DCDC2C: variants seen among roughly 807,000 people sequenced by gnomAD.
DCDC2C encodes doublecortin domain containing 2C.
A neutral mutation model predicts 45.0 loss-of-function variants in DCDC2C; 44 were observed. The observed-to-expected ratio is 0.98, with a 90% CI of 0.77 to 1.26. The LOEUF is 1.26. DCDC2C is among the 50% of genes most tolerant of loss of function. The pLI is 0.00. For missense variants in DCDC2C, 447 were observed against 468.9 expected (o/e 0.95, Z 0.43); for synonymous variants, 187 against 178.8 (o/e 1.05, Z -0.37).
chr2:3,785,160 A>G (rs1670616563), intron 10 of DCDC2C, 60 bp downstream of exon 10: 29 of 1,188,600 alleles, frequency 2.4e-5, no homozygotes, highest in Non-Finnish European at 2.7e-5. Context: ...CAGACCTAAC[A>G]AGAGAATCCA....
intron 4 of DCDC2C, among the ~76,000 whole-genome samples, chr2:3,752,020 A>C (rs955786183): frequency 6.6e-6 from 1 of 152,062 alleles, no homozygotes; most frequent in African/African-American, 2.4e-5. Flanking sequence ...GCCTTTTTAC[A>C]GCACCGTACA....
In DCDC2C at chr2:3,812,472, T is replaced by C. The variant is rs546206654; in HGVS notation, c.1065+27372T>C. 2.6e-5 allele frequency among the ~76,000 whole-genome samples: 4 copies of C among 152,288 alleles called. No individual in the cohort carries two copies. The East Asian group carries it at 5.8e-4, about 22-fold the overall frequency. ...ATTGTGTCTATTTGATTCTCTTCTCTTGTCTTCTTTATTAGTGTAGATAAT... is the reference window on the plus strand; with the variant it reads ...ATTGTGTCTATTTGATTCTCTTCTCCTGTCTTCTTTATTAGTGTAGATAAT... On this transcript the variant is annotated intron_variant, in intron 10 of 10. Coordinates refer to ENST00000399143, the MANE Select transcript of DCDC2C (RefSeq NM_001287444.2).
chr2:3,725,462 C>G (rs1668623682), intron 2 of DCDC2C, among the ~76,000 whole-genome samples: 3 of 103,810 alleles, frequency 2.9e-5, no homozygotes, highest in African/African-American at 9.6e-5. Context: ...AGGGAGGAGG[C>G]TGCCCGGTGG....
intron 6 of DCDC2C, among the ~76,000 whole-genome samples, chr2:3,755,493 G>A (rs1032812674): frequency 2.7e-5 from 4 of 147,770 alleles, no homozygotes; most frequent in African/African-American, 9.7e-5. Flanking sequence ...GTGTACACAG[G>A]AGTACACGTG....
intron 10 of DCDC2C, among the ~76,000 whole-genome samples, chr2:3,837,890 A>AT (rs1672119930): frequency 6.6e-6 from 1 of 152,170 alleles, no homozygotes; most frequent in Non-Finnish European, 1.5e-5. Context: ...ATGCGGACAC[A>AT]TATCCCGGGA....
chr2:3,708,745 G>A (rs929258275), intron 2 of DCDC2C, 145 bp downstream of exon 2: 2 of 641,722 alleles, frequency 3.1e-6, no homozygotes, highest in African/African-American at 1.8e-5. Context: ...AACACACTGT[G>A]CAAGCTTGTC....
intron 10 of DCDC2C, among the ~76,000 whole-genome samples, chr2:3,802,295 G>A (rs890975047): frequency 6.6e-6 from 1 of 152,190 alleles, no homozygotes; most frequent in African/African-American, 2.4e-5. Context: ...TGAAAGTCAG[G>A]TACTGCAAAC....
chr2:3,835,661 A>C (rs535649376), intron 10 of DCDC2C, among the ~76,000 whole-genome samples: 1 of 152,350 alleles, frequency 6.6e-6, no homozygotes, highest in Non-Finnish European at 1.5e-5. Flanking sequence ...AGTCCCACTA[A>C]GATTAATACA....
chr2:3,722,248 A>G (rs192649437), intron 2 of DCDC2C, among the ~76,000 whole-genome samples: 10 of 152,382 alleles, frequency 6.6e-5, no homozygotes, highest in Admixed American at 6.5e-4. Context: ...CCTGAGTACT[A>G]AGCTACATGG....
intron 10 of DCDC2C, among the ~76,000 whole-genome samples, chr2:3,829,745 A>G (rs1671908875): frequency 1.3e-5 from 2 of 152,026 alleles, no homozygotes. Flanking sequence ...TTTCGTTAAG[A>G]CCACCCCAAG....
At chr2:3,827,964 C>T (rs1671866785) in intron 10 of DCDC2C, among the ~76,000 whole-genome samples, 1 of 152,046 alleles carries the variant, frequency 6.6e-6, no homozygotes. Context: ...ACAATTTGCC[C>T]CAGAAAAAAA....
At chr2:3,799,905 G>A (rs10175477) in intron 10 of DCDC2C, among the ~76,000 whole-genome samples, 32,707 of 152,248 alleles carry the variant, frequency 0.21, 3,689 homozygotes, top group South Asian at 0.36. Context: ...CCCAGTTCGA[G>A]CTTCCCAGAT....
At chr2:3,704,158 C>A in intron 1 of DCDC2C, 120 bp downstream of exon 1, 1 of 977,934 alleles carries the variant, frequency 1.0e-6, no homozygotes, top group Non-Finnish European at 1.3e-6. Context: ...CTCGGGCGCC[C>A]ATCTTTCGGC....
chr2:3,844,924 C>A (rs1672292492), intron 10 of DCDC2C, among the ~76,000 whole-genome samples: 1 of 149,448 alleles, frequency 6.7e-6, no homozygotes, highest in South Asian at 2.1e-4. Context: ...AACATGTTCT[C>A]CCTTTTTAAA....
chr2:3,748,674 G>A (rs1263691606), intron 4 of DCDC2C, among the ~76,000 whole-genome samples: 1 of 152,198 alleles, frequency 6.6e-6, no homozygotes, highest in African/African-American at 2.4e-5. Flanking sequence ...ATTGACGGTT[G>A]AGGTGCTGGG....
At chr2:3,747,373 G>A (rs1669403312) in intron 4 of DCDC2C, among the ~76,000 whole-genome samples, 1 of 152,234 alleles carries the variant, frequency 6.6e-6, no homozygotes, top group Admixed American at 6.5e-5. Context: ...GGTGAACCAT[G>A]AACTTGAGTT....
chr2:3,727,117 C>T (rs1220360100), intron 3 of DCDC2C, 38 bp downstream of exon 3: 17 of 1,472,884 alleles, frequency 1.2e-5, no homozygotes, highest in Non-Finnish European at 1.6e-5. Flanking sequence ...TCAAACTGTG[C>T]CATAACTCCC....
chr2:3,801,946 C>A (rs1038295562), intron 10 of DCDC2C, among the ~76,000 whole-genome samples: 1 of 152,224 alleles, frequency 6.6e-6, no homozygotes, highest in African/African-American at 2.4e-5. Context: ...GAAGGGGAGG[C>A]AGGAACTCTT....
chr2:3,729,856 G>A (rs1668810327), intron 3 of DCDC2C, among the ~76,000 whole-genome samples: 1 of 152,190 alleles, frequency 6.6e-6, no homozygotes, highest in Non-Finnish European at 1.5e-5. Flanking sequence ...CTATGGCTGT[G>A]GCTTGATGCT....
Sources: allele counts gnomAD v4.1 joint callset (sites outside exome capture counted in the v4.1 genomes callset), GRCh38; gene constraint gnomAD v4.1.1; transcripts MANE v1.5; gene names NCBI Gene and HGNC (gene_info 2026-07-23, HGNC 2026-07-21).